The following RGS6 variants were observed in gnomAD, a reference collection of about 807,000 sequenced individuals.
RGS6 encodes the protein regulator of G-protein signaling 6.
RGS6 carries 30 observed loss-of-function variants against 78.5 expected under a neutral mutation model. The observed-to-expected ratio is 0.38, with a 90% CI of 0.29 to 0.52. RGS6 has a LOEUF of 0.52. RGS6 is among the 20% of genes least tolerant of loss of function. The pLI, the probability that RGS6 is intolerant of heterozygous loss-of-function variation, is 0.85. For missense variants in RGS6, 495 were observed against 609.7 expected, an observed-to-expected ratio of 0.81 and a Z score of 1.98; for synonymous variants, 206 against 206.0, an observed-to-expected ratio of 1.00 and a Z score of 0.00.
At chr14:72,610,349 C>T in the RGS6 span, among the ~76,000 whole-genome samples, 1 of 152,190 alleles carries the variant, frequency 6.6e-6, no homozygotes, top group Non-Finnish European at 1.5e-5. Flanking sequence ...GGTCATCCTT[C>T]CTACCATAGG....
intron 2 of RGS6, among the ~76,000 whole-genome samples, chr14:72,318,595 A>G (rs1018387965): frequency 5.3e-5 from 8 of 152,362 alleles, no homozygotes; most frequent in Non-Finnish European, 1.0e-4. Context: ...GGCCAAATGC[A>G]GTGGAACGAA....
the RGS6 span, among the ~76,000 whole-genome samples, chr14:72,609,117 C>T: frequency 6.6e-6 from 1 of 152,168 alleles, no homozygotes; most frequent in Non-Finnish European, 1.5e-5. Flanking sequence ...CATTGCTAAC[C>T]AATCACAGAA....
At chr14:71,960,591 AACTG>A (rs1277391419) in intron 1 of RGS6, among the ~76,000 whole-genome samples, 1 of 152,220 alleles carries the variant, frequency 6.6e-6, no homozygotes, top group Non-Finnish European at 1.5e-5. Context: ...GCCTATGAAG[AACTG>A]ACTTTCTAGA....
At chr14:72,519,261 G>A (rs541253511) in intron 15 of RGS6, among the ~76,000 whole-genome samples, 101 of 152,260 alleles carry the variant, frequency 6.6e-4, no homozygotes, top group African/African-American at 2.3e-3. Flanking sequence ...AAATTTTGAC[G>A]GCTGGGAGGT....
chr14:71,993,315 T>G (rs186634665), intron 2 of RGS6, among the ~76,000 whole-genome samples: 57 of 152,290 alleles, frequency 3.7e-4, no homozygotes, highest in African/African-American at 1.3e-3. Flanking sequence ...ACAAAATATT[T>G]TTTTTAGAGA....
intron 2 of RGS6, among the ~76,000 whole-genome samples, chr14:72,211,622 AAATAT>A (rs1330368687): frequency 8.5e-5 from 13 of 152,328 alleles, no homozygotes; most frequent in African/African-American, 1.4e-4. Flanking sequence ...ACAAGAGAGA[AAATAT>A]AATAGAATAG....
At chr14:72,552,942 G>C (rs1319815329) in intron 17 of RGS6, among the ~76,000 whole-genome samples, 1 of 152,200 alleles carries the variant, frequency 6.6e-6, no homozygotes, top group African/African-American at 2.4e-5. Context: ...GGAGCTGATA[G>C]AAAACTCTAC....
chr14:72,152,526 C>T (rs1407951893), intron 2 of RGS6, among the ~76,000 whole-genome samples: 2 of 152,132 alleles, frequency 1.3e-5, no homozygotes, highest in African/African-American at 2.4e-5. Flanking sequence ...TTCTGGCTTC[C>T]TGTGGGGCTG....
intron 2 of RGS6, among the ~76,000 whole-genome samples, chr14:72,306,085 A>T (rs571426373): frequency 6.6e-6 from 1 of 152,196 alleles, no homozygotes; most frequent in South Asian, 2.1e-4. Flanking sequence ...GGTGAAGCCA[A>T]TGCTCATTTA....
the RGS6 span, among the ~76,000 whole-genome samples, chr14:72,613,835 G>A: frequency 3.3e-5 from 5 of 152,118 alleles, no homozygotes; most frequent in African/African-American, 1.2e-4. Context: ...GGGGGCGCCC[G>A]CCGCACAGCC....
chr14:72,089,165 C>T (rs1331859424), intron 2 of RGS6, among the ~76,000 whole-genome samples: 5 of 152,146 alleles, frequency 3.3e-5, no homozygotes, highest in Admixed American at 3.3e-4. Flanking sequence ...TTCCTTGTGC[C>T]CACAACAGTG....
chr14:72,119,396 A>G (rs1326826009), intron 2 of RGS6, among the ~76,000 whole-genome samples: 2 of 152,220 alleles, frequency 1.3e-5, no homozygotes, highest in African/African-American at 4.8e-5. Flanking sequence ...ATAGTTTTCC[A>G]TGGGCCTTTT....
intron 17 of RGS6, among the ~76,000 whole-genome samples, chr14:72,551,737 A>G (rs2097509708): frequency 6.6e-6 from 1 of 152,228 alleles, no homozygotes; most frequent in African/African-American, 2.4e-5. Flanking sequence ...AGATGTTGGC[A>G]TTCAATGAGG....
intron 2 of RGS6, among the ~76,000 whole-genome samples, chr14:72,220,953 A>G (rs749502572): frequency 6.6e-6 from 1 of 151,906 alleles, no homozygotes; most frequent in Non-Finnish European, 1.5e-5. Context: ...CACACTCCCA[A>G]CCTCCCTAAA....
chr14:71,933,981 T>C (rs568796597), intron 1 of RGS6, among the ~76,000 whole-genome samples: 8 of 152,284 alleles, frequency 5.3e-5, no homozygotes, highest in African/African-American at 1.4e-4. Context: ...TTTAGTTAAA[T>C]GTGTTGACAA....
At chr14:72,326,773 G>T (rs892400511) in intron 2 of RGS6, among the ~76,000 whole-genome samples, 1 of 152,144 alleles carries the variant, frequency 6.6e-6, no homozygotes, top group Admixed American at 6.5e-5. Flanking sequence ...CGTGATCTTG[G>T]TTCGGCTCAC....
At chr14:72,185,373 T>C (rs1452136273) in intron 2 of RGS6, among the ~76,000 whole-genome samples, 1 of 152,172 alleles carries the variant, frequency 6.6e-6, no homozygotes, top group African/African-American at 2.4e-5. Flanking sequence ...CACATGTATG[T>C]TTCTATTTGA....
chr14:71,934,234 T>C (rs1056391204), intron 1 of RGS6, among the ~76,000 whole-genome samples: 10 of 152,184 alleles, frequency 6.6e-5, no homozygotes, highest in African/African-American at 2.4e-4. Flanking sequence ...CTAAGTTCTT[T>C]GATATTGTAC....
At chr14:72,425,387 C>T (rs1367673902) in intron 3 of RGS6, among the ~76,000 whole-genome samples, 2 of 152,188 alleles carry the variant, frequency 1.3e-5, no homozygotes, top group South Asian at 2.1e-4. Flanking sequence ...GACCCACCCA[C>T]CTCAGCCTCC....
Sources: gnomAD v4.1 joint callset for allele counts (sites outside exome capture counted in the v4.1 genomes callset) on GRCh38, gnomAD v4.1.1 for gene constraint, MANE v1.5 for transcripts, NCBI Gene and HGNC (gene_info 2026-07-23, HGNC 2026-07-21) for gene names.